The following PPP2R3A variants were observed in gnomAD, a reference collection of about 807,000 sequenced individuals.
PPP2R3A encodes the protein protein phosphatase 2 regulatory subunit B''alpha.
A neutral mutation model predicts 106.9 loss-of-function variants in PPP2R3A; 80 were observed. That is an observed-to-expected ratio of 0.75 (90% CI 0.62 to 0.90). The LOEUF (loss-of-function observed/expected upper bound fraction) is 0.90, where lower values mean the gene tolerates loss of function less well. Among genes scored for constraint, PPP2R3A ranks in the 40% least tolerant of loss-of-function variants. The pLI, the probability that PPP2R3A is intolerant of heterozygous loss-of-function variation, is 0.00. For synonymous variants in PPP2R3A, 483 were observed against 468.3 expected, an observed-to-expected ratio of 1.03 and a Z score of -0.41; for missense variants, 1,386 against 1,350.4, an observed-to-expected ratio of 1.03 and a Z score of -0.41.
At chr3:136,007,668 G>A (rs1443541631) in intron 2 of PPP2R3A, among the ~76,000 whole-genome samples, 2 of 152,202 alleles carry the variant, frequency 1.3e-5, no homozygotes, top group Admixed American at 1.3e-4. Context: ...GATCACCATT[G>A]TTCCCACAGG....
intron 10 of PPP2R3A, among the ~76,000 whole-genome samples, chr3:136,094,590 A>G (rs1937173651): frequency 6.6e-6 from 1 of 152,226 alleles, no homozygotes; most frequent in South Asian, 2.1e-4. Flanking sequence ...AAGGAATGCT[A>G]CAAATAACGT....
chr3:136,059,255 A>G (rs2107883956), intron 5 of PPP2R3A, among the ~76,000 whole-genome samples: 1 of 152,310 alleles, frequency 6.6e-6, no homozygotes, highest in East Asian at 1.9e-4. Context: ...AAGGTCTAAT[A>G]TCCAGCATCT....
chr3:136,065,213 A>G (rs1452452312), intron 5 of PPP2R3A, among the ~76,000 whole-genome samples: 1 of 152,186 alleles, frequency 6.6e-6, no homozygotes, highest in Non-Finnish European at 1.5e-5. Context: ...CTAAATCCAC[A>G]TGTTTCCTAG....
At chr3:136,113,206 C>CG in intron 13 of PPP2R3A, among the ~76,000 whole-genome samples, 1 of 314 alleles carries the variant, frequency 3.2e-3, no homozygotes, top group East Asian at 0.056. Flanking sequence ...TCACACTACC[C>CG]AATTCAAACT....
chr3:136,022,978 C>T, intron 2 of PPP2R3A: 1 of 1,567,478 alleles, frequency 6.4e-7, no homozygotes, highest in East Asian at 2.3e-5. Context: ...AGAAAAAATA[C>T]CTTCCTACCT....
intron 13 of PPP2R3A, among the ~76,000 whole-genome samples, chr3:136,116,335 T>C (rs1937760642): frequency 6.6e-6 from 1 of 152,114 alleles, no homozygotes; most frequent in Admixed American, 6.5e-5. Context: ...CTGCATCAAC[T>C]AACGGACAAA....
At chr3:136,134,192 AATTGCAGAAACACCTC>A (rs1275865719) in intron 13 of PPP2R3A, among the ~76,000 whole-genome samples, 1 of 152,200 alleles carries the variant, frequency 6.6e-6, no homozygotes, top group Non-Finnish European at 1.5e-5. Context: ...AGAAGAAACA[AATTGCAGAAACACCTC>A]ACTCTAGGCT....
At chr3:136,096,563 A>AG (rs1937220241) in intron 10 of PPP2R3A, among the ~76,000 whole-genome samples, 1 of 152,238 alleles carries the variant, frequency 6.6e-6, no homozygotes, top group African/African-American at 2.4e-5. Context: ...TCATCTGGCT[A>AG]GATATCATCT....
chr3:136,058,367 T>C (rs928541281), intron 5 of PPP2R3A, among the ~76,000 whole-genome samples: 1 of 151,986 alleles, frequency 6.6e-6, no homozygotes, highest in Non-Finnish European at 1.5e-5. Context: ...CATTCTTGTA[T>C]GCCAAAAACA....
At position 136,103,395 on chromosome 3, in the gene PPP2R3A, C is replaced by G; in HGVS notation, c.3222+19C>G. 6.5e-7 allele frequency: 1 copy of G among 1,535,648 alleles called. No homozygotes were observed. Among genetic ancestry groups the G allele is most frequent in the African/African-American group, 1.4e-5 (1 of 72,914 alleles). On this transcript the variant is annotated intron_variant, in intron 12 of 13. Transcript: ENST00000264977. ...CCAGAAGGTAACAGTATAATTTTAA[C>G]TTTTATTTGAGGGCTGCAGTGTCAG...
chr3:136,038,911 G>C (rs531476087), intron 3 of PPP2R3A, among the ~76,000 whole-genome samples: 1 of 152,174 alleles, frequency 6.6e-6, no homozygotes, highest in Admixed American at 6.5e-5. Context: ...CCCCAGTGGA[G>C]GTATGAGATA....
At position 136,026,920 on chromosome 3, in the gene PPP2R3A, C is replaced by T. The variant is rs9826032; in HGVS notation, c.2084C>T (p.Pro695Leu). The T allele has an allele frequency of 0.011, 17,965 of 1,613,528 alleles. 140 individuals carry two copies. Among genetic ancestry groups the T allele is most frequent in the Non-Finnish European group, 0.013 (15,362 of 1,179,496 alleles). The change falls in exon 3 of 14, where the codon CCC becomes CTC. Residue 695 changes from proline (P) to leucine (L), a missense_variant. Transcript: ENST00000264977. Reference protein sequence around the residue: ...PSSPRPLSPVPHVNNVVNAPL... With the variant: ...PSSPRPLSPVLHVNNVVNAPL... ...AGTCCCCGACCTCTCTCCCCGGTTC[C>T]CCATGTGAATAATGTTGTGAATGCG...
intron 13 of PPP2R3A, among the ~76,000 whole-genome samples, chr3:136,133,250 AT>A: frequency 6.6e-6 from 1 of 152,270 alleles, no homozygotes; most frequent in South Asian, 2.1e-4. Context: ...TTTCCAAAAC[AT>A]TCTGATAAAG....
chr3:136,080,078 A>G (rs949283473), intron 7 of PPP2R3A, among the ~76,000 whole-genome samples: 5 of 152,170 alleles, frequency 3.3e-5, no homozygotes, highest in African/African-American at 1.2e-4. Context: ...TACATGTAGT[A>G]TATAGTTTTG....
At chr3:136,089,097 A>G (rs1029294112) in intron 9 of PPP2R3A, among the ~76,000 whole-genome samples, 6 of 152,170 alleles carry the variant, frequency 3.9e-5, no homozygotes, top group African/African-American at 9.6e-5. Context: ...TTAGGTCCCA[A>G]TCATCAATTT....
chr3:135,992,190 G>A (rs921517596), intron 1 of PPP2R3A, among the ~76,000 whole-genome samples: 1 of 152,134 alleles, frequency 6.6e-6, no homozygotes, highest in African/African-American at 2.4e-5. Context: ...GTTGGAAGCA[G>A]TTTCCACACT....
At position 135,979,024 on chromosome 3, in the gene PPP2R3A, G is replaced by A. The variant is rs116741516; in HGVS notation, c.-441+13175G>A. On this transcript the variant is annotated intron_variant, in intron 1 of 13. Coordinates refer to ENST00000264977, the MANE Select transcript of PPP2R3A (RefSeq NM_002718.5). ...TTTACCTGAAATTGCTTTATCATAT[G>A]TCATAAAATTTTTGTAAATGATTTT... 7.2e-3 allele frequency among the ~76,000 whole-genome samples: 1,091 copies of A among 151,886 alleles called. 14 individuals are homozygous for A. The highest frequency in any genetic ancestry group is 0.012 in the Non-Finnish European group (848 of 68,018).
intron 13 of PPP2R3A, among the ~76,000 whole-genome samples, chr3:136,125,752 AC>A (rs1938156926): frequency 6.6e-6 from 1 of 152,188 alleles, no homozygotes; most frequent in Admixed American, 6.5e-5. Context: ...TAAAATATTA[AC>A]ATATCAAATC....
At chr3:136,087,186 A>T (rs781443968) in intron 8 of PPP2R3A, among the ~76,000 whole-genome samples, 4 of 151,544 alleles carry the variant, frequency 2.6e-5, no homozygotes, top group Non-Finnish European at 4.4e-5. Flanking sequence ...CCTGGGCAAC[A>T]GGAGCAAAAC....
Sources: allele counts gnomAD v4.1 joint callset (sites outside exome capture counted in the v4.1 genomes callset), GRCh38; gene constraint gnomAD v4.1.1; transcripts MANE v1.5; gene names NCBI Gene and HGNC (gene_info 2026-07-23, HGNC 2026-07-21).